The following BAG6 variants were observed in gnomAD, a reference collection of about 807,000 sequenced individuals.
BAG6 encodes large proline-rich protein BAG6.
Under a neutral mutation model 121.0 loss-of-function variants are expected in BAG6, and 22 were observed. The ratio of observed to expected loss-of-function variants is 0.18; its 90% CI spans 0.13 to 0.26. BAG6 has a LOEUF of 0.26. BAG6 is among the 10% of genes least tolerant of loss of function. BAG6 has a pLI of 1.00. For synonymous variants in BAG6, 583 were observed against 584.6 expected (o/e 1.00, Z 0.04); for missense variants, 1,233 against 1,537.7 (o/e 0.80, Z 3.31).
intron 24 of BAG6, 29 bp from the exon 25 acceptor site, chr6:31,639,675 G>C (rs760843472): frequency 2.5e-5 from 40 of 1,586,592 alleles, no homozygotes; most frequent in Middle Eastern, 2.1e-4. Flanking sequence ...GGAGGGAAAA[G>C]AGGATCAACG....
intron 7 of BAG6, among the ~76,000 whole-genome samples, chr6:31,647,253 G>A (rs984448130): frequency 5.3e-5 from 8 of 152,124 alleles, no homozygotes; most frequent in African/African-American, 1.9e-4. Flanking sequence ...AGAAGAAAAT[G>A]AACTGCTCCC....
In BAG6 at chr6:31,641,642, A is replaced by G; in HGVS notation, c.2506-50T>C. ...AGTTCAAAGCCTCAGTCCTCCCAAG[A>G]CTTCCACCTCGACCCCAACAAGTCC... On this transcript the variant is annotated intron_variant, in intron 17 of 25. Transcript: ENST00000676615. The surrounding 1 kb of genome is among the most constrained non-coding windows in gnomAD (Gnocchi z 5.7). 1 of 1,613,566 alleles carries G rather than the reference A, an allele frequency of 6.2e-7. No individual in the cohort carries two copies. Among genetic ancestry groups the G allele is most frequent in the Non-Finnish European group, 8.5e-7 (1 of 1,179,500 alleles).
rs3034239 is a variant in BAG6, at chr6:31,639,124, C to CAAAG, written c.*3_*6dup. On this transcript the variant is annotated 3_prime_UTR_variant, in exon 26 of 26. Coordinates refer to ENST00000676615, the MANE Select transcript of BAG6 (RefSeq NM_001387994.1). ...CCCCTGATGAGGAAGGGCCATAGAG[C>CAAAG]AAAGAGCTAAGGATCATCAGCAAAG... 0.17 allele frequency: 280,449 copies of CAAAG among 1,607,506 alleles called. 26,366 individuals carry two copies. Among genetic ancestry groups the CAAAG allele is most frequent in the African/African-American group, 0.2 (14,779 of 74,678 alleles).
chr6:31,641,721 T>G lies in BAG6; in HGVS notation c.2505+55A>C, dbSNP rs200469403. ...TACCTGGCAGAGAAGCAGTCAGAAATAAGGAATAAAATGTGCAAAAGAGGA... is the reference window on the plus strand; with the variant it reads ...TACCTGGCAGAGAAGCAGTCAGAAAGAAGGAATAAAATGTGCAAAAGAGGA... On this transcript the variant is annotated intron_variant, in intron 17 of 25. Transcript: ENST00000676615. The surrounding 1 kb of genome is among the most constrained non-coding windows in gnomAD (Gnocchi z 5.7). 147 of 1,611,330 alleles carry G rather than the reference T, an allele frequency of 9.1e-5. 1 individual carries two copies. Among genetic ancestry groups the G allele is most frequent in the Non-Finnish European group, 1.2e-4 (139 of 1,178,122 alleles).
chr6:31,646,339 C>T, intron 8 of BAG6, 55 bp downstream of exon 8: 1 of 1,582,102 alleles, frequency 6.3e-7, no homozygotes, highest in Non-Finnish European at 8.6e-7. Flanking sequence ...TCAGCCTGTT[C>T]TGTTTTGGGA....
In BAG6 at chr6:31,647,925, T is replaced by G. The variant is rs575953849; in HGVS notation, c.553-99A>C. The G allele has an allele frequency of 1.1e-5, 15 of 1,388,586 alleles. No homozygotes were observed. In the Admixed American group the frequency reaches 4.2e-4, roughly 39 times the overall value. 86.0% of individuals were successfully genotyped at this position (1,388,586 alleles called of 1,614,324 possible). A position where few individuals can be genotyped will look rare whatever the true frequency, so the allele number is the denominator to read the frequency against. On this transcript the variant is annotated intron_variant, in intron 6 of 25. Coordinates refer to ENST00000676615, the MANE Select transcript of BAG6 (RefSeq NM_001387994.1). The stretch of plus-strand genomic sequence containing the variant: ...AACAGAGAAAGTATCCTAACTAGAC[T>G]CCCTGAAGGCATGGCTCTGCAATTT...
In BAG6 at chr6:31,651,750, T is replaced by A; in HGVS notation, c.14A>T (p.Asp5Val). 1.2e-6 allele frequency: 2 copies of A among 1,613,016 alleles called. No homozygotes were observed. Among genetic ancestry groups the A allele is most frequent in the South Asian group, 1.1e-5 (1 of 91,078 alleles). Reference protein sequence around the residue: MEPNDSTSTAVEEPD... With the variant: MEPNVSTSTAVEEPD... ...CTCCTCCACAGCGGTACTGGTACTATCATTAGGCTCCATGGCCGACAGGTC... is the reference window on the plus strand; with the variant it reads ...CTCCTCCACAGCGGTACTGGTACTAACATTAGGCTCCATGGCCGACAGGTC... Residue 5 changes from aspartate to valine, a missense_variant, in exon 2 of 26, where the codon GAT becomes GTT. By Grantham distance (152) the Asp-to-Val change is radical. Transcript: ENST00000676615.
At position 31,640,697 on chromosome 6, in the gene BAG6, G is replaced by C. The variant is rs750589900; in HGVS notation, c.2942C>G (p.Pro981Arg). 6.2e-7 allele frequency: 1 copy of C among 1,612,970 alleles called. No individual in the cohort carries two copies. Among genetic ancestry groups the C allele is most frequent in the South Asian group, 1.1e-5 (1 of 91,078 alleles). Residue 981 changes from proline to arginine, a missense_variant, in exon 22 of 26, where the codon CCT becomes CGT. Coordinates refer to ENST00000676615, the MANE Select transcript of BAG6 (RefSeq NM_001387994.1). The surrounding 1 kb of genome is among the most constrained non-coding windows in gnomAD (Gnocchi z 4.2). Reference protein sequence around the residue: ...RRVGDPPQPLPEEPMEVQGAE... With the variant: ...RRVGDPPQPLREEPMEVQGAE... ...TCCCTGAACTTCCATTGGCTCCTCA[G>C]GAAGTGGCTGTGAAATTAAAGAACA...
At position 31,645,171 on chromosome 6, in the gene BAG6, T is replaced by C; in HGVS notation, c.1144A>G (p.Thr382Ala). 1 of 1,612,410 alleles carries C rather than the reference T, an allele frequency of 6.2e-7. No individual in the cohort carries two copies. The highest frequency in any genetic ancestry group is 8.5e-7 in the Non-Finnish European group (1 of 1,179,690). ...GGGGGGGGCCGAGTCCCATTTCCTG[T>C]CATGGTCACAGTGGTTCCCACATTG... ...QINVGTTVTM[T>A]GNGTRPPPTP... is the part of the protein sequence containing the mutation. The change falls in exon 10 of 26, where the codon ACA (threonine) becomes GCA (alanine). Residue 382 changes from threonine (T) to alanine (A), a missense_variant. Transcript: ENST00000676615.
Position 31,644,028 on chromosome 6 carries a change from A to C in BAG6, c.1669-51T>G. The C allele has an allele frequency of 6.2e-7, 1 of 1,612,818 alleles. No individual in the cohort carries two copies. Among genetic ancestry groups the C allele is most frequent in the Non-Finnish European group, 8.5e-7 (1 of 1,179,012 alleles). On this transcript the variant is annotated intron_variant, in intron 13 of 25. Transcript: ENST00000676615. The surrounding 1 kb of genome is among the most constrained non-coding windows in gnomAD (Gnocchi z 4.9). ...CAGACCTGCCCTTCCATGCACCACC[A>C]CAGGAGTCTCTCCCTAGACTGTTAC...
At chr6:31,649,444 C>T in intron 3 of BAG6, 49 bp from the exon 4 acceptor site, 1 of 1,610,750 alleles carries the variant, frequency 6.2e-7, no homozygotes, top group Non-Finnish European at 8.5e-7. Context: ...CAGGTAAACC[C>T]ATGGCCTCAG....
In BAG6 at chr6:31,647,682, C is replaced by G; in HGVS notation, c.697G>C (p.Val233Leu). 6.2e-7 allele frequency: 1 copy of G among 1,604,640 alleles called. No individual in the cohort carries two copies. The highest frequency in any genetic ancestry group is 8.5e-7 in the Non-Finnish European group (1 of 1,176,890). ...PPREPMEAEE[V>L]EERAPAQNPE... is the part of the protein sequence containing the mutation. ...TTCTGGGCTGGGGCACGCTCCTCCACTTCTTCTGCCTCCATGGGCTCCCGG... is the reference window on the plus strand; with the variant it reads ...TTCTGGGCTGGGGCACGCTCCTCCAGTTCTTCTGCCTCCATGGGCTCCCGG... The change falls in exon 7 of 26, where the codon GTG becomes CTG. Residue 233 changes from valine (V) to leucine (L), a missense_variant. By Grantham distance (32) the Val-to-Leu change is conservative (BLOSUM62 1). Around this residue, in one of 7 missense-constraint regions of BAG6, gnomAD observed 777 missense variants for 861.4 expected, o/e 0.90. Transcript: ENST00000676615.
chr6:31,642,440 G>T, intron 15 of BAG6, 37 bp from the exon 16 acceptor site: 1 of 940,618 alleles, frequency 1.1e-6, no homozygotes, highest in Non-Finnish European at 1.6e-6. Context: ...CAGAAAGTGA[G>T]GTGAGAATGA....
chr6:31,641,280 G>C lies in BAG6; in HGVS notation c.2662+40C>G. On this transcript the variant is annotated intron_variant, in intron 19 of 25. Transcript: ENST00000676615. The surrounding 1 kb of genome is among the most constrained non-coding windows in gnomAD (Gnocchi z 5.7). ...GCTGGCACGTGGCAGCCCTGCACAT[G>C]CAACAGGCCCCACTTGCCCCCGCCT... 1.2e-6 allele frequency: 2 copies of C among 1,613,764 alleles called. No individual in the cohort carries two copies. The highest frequency in any genetic ancestry group is 1.7e-6 in the Non-Finnish European group (2 of 1,179,668).
chr6:31,648,354 G>C (rs1189148987), intron 6 of BAG6, among the ~76,000 whole-genome samples: 1 of 152,126 alleles, frequency 6.6e-6, no homozygotes, highest in Admixed American at 6.6e-5. Flanking sequence ...TTCTAACAAA[G>C]AGTAGAGATT....
chr6:31,648,810 C>A, intron 5 of BAG6, 59 bp from the exon 6 acceptor site: 1 of 1,604,328 alleles, frequency 6.2e-7, no homozygotes, highest in Non-Finnish European at 8.5e-7. Context: ...GTTCTACCAC[C>A]TACTAAATCA....
chr6:31,640,935 G>T lies in BAG6; in HGVS notation c.2791C>A (p.Arg931Ser). ...GAGGGATTCACCCCACGAGACATACGACGCTGAGGGACAGAAAGCAGATTT... is the reference window on the plus strand; with the variant it reads ...GAGGGATTCACCCCACGAGACATACTACGCTGAGGGACAGAAAGCAGATTT... ...LAAVINGRIRRMSRGVNPSLV... is the reference protein window; with the variant it reads ...LAAVINGRIRSMSRGVNPSLV... Residue 931 changes from arginine to serine, a missense_variant, in exon 21 of 26, where the codon CGT becomes AGT. Around this residue, in one of 7 missense-constraint regions of BAG6, gnomAD observed 288 missense variants for 483.1 expected, o/e 0.60. Transcript: ENST00000676615. The surrounding 1 kb of genome is among the most constrained non-coding windows in gnomAD (Gnocchi z 4.2). 6.2e-7 allele frequency: 1 copy of T among 1,611,720 alleles called. No homozygotes were observed. Among genetic ancestry groups the T allele is most frequent in the Non-Finnish European group, 8.5e-7 (1 of 1,179,344 alleles).
At position 31,639,582 on chromosome 6, in the gene BAG6, G is replaced by C; in HGVS notation, c.3311C>G (p.Ala1104Gly). 1 of 1,614,018 alleles carries C rather than the reference G, an allele frequency of 6.2e-7. No individual in the cohort carries two copies. The highest frequency in any genetic ancestry group is 8.5e-7 in the Non-Finnish European group (1 of 1,179,932). Residue 1104 changes from alanine to glycine, a missense_variant, in exon 25 of 26, where the codon GCC becomes GGC. Coordinates refer to ENST00000676615, the MANE Select transcript of BAG6 (RefSeq NM_001387994.1). ...SEAVSRAAKA[A>G]GARPLTSPES... ...GGGGCTCGTCAGGGGCCGAGCTCCG[G>C]CTGCCTTAGCTGCCCGGCTCACAGC...
Position 31,642,178 on chromosome 6 carries a change from C to T in BAG6, c.2269G>A (p.Ala757Thr). 2 of 1,612,946 alleles carry T rather than the reference C, an allele frequency of 1.2e-6. No homozygotes were observed. The highest frequency in any genetic ancestry group is 1.7e-6 in the Non-Finnish European group (2 of 1,180,016). ...CCACTGAGGCGTTGTATGAAGGCAGCAATACTTTCACTGCTGCCAGCCCGA... is the reference window on the plus strand; with the variant it reads ...CCACTGAGGCGTTGTATGAAGGCAGTAATACTTTCACTGCTGCCAGCCCGA... The part of the protein sequence containing the change: ...GARAGSSESI[A>T]AFIQRLSGSS... Residue 757 changes from alanine (A) to threonine (T), a missense_variant, in exon 16 of 26, where the codon GCT (alanine) becomes ACT (threonine). Ala to Thr is a moderately conservative substitution (Grantham distance 58). Coordinates refer to ENST00000676615, the MANE Select transcript of BAG6 (RefSeq NM_001387994.1).
Sources: allele counts gnomAD v4.1 joint callset (sites outside exome capture counted in the v4.1 genomes callset), GRCh38; gene constraint gnomAD v4.1.1; regional missense constraint gnomAD v4.1.1; non-coding constraint Gnocchi (gnomAD v3.1); transcripts MANE v1.5; gene names NCBI Gene and HGNC (gene_info 2026-07-23, HGNC 2026-07-21).